Variants in SGMS1 observed in about 807,000 individuals in gnomAD.
SGMS1 encodes sphingomyelin synthase 1.
SGMS1 carries 13 observed loss-of-function variants against 46.2 expected under a neutral mutation model. The ratio of observed to expected loss-of-function variants is 0.28; its 90% CI spans 0.18 to 0.45. The LOEUF is 0.45. Ranked by LOEUF, SGMS1 falls within the 20% of genes least tolerant of loss-of-function variation. The pLI is 1.00. For synonymous variants in SGMS1, 203 were observed against 187.8 expected, an observed-to-expected ratio of 1.08 and a Z score of -0.66; for missense variants, 324 against 519.9, an observed-to-expected ratio of 0.62 and a Z score of 3.66.
intron 2 of SGMS1, among the ~76,000 whole-genome samples, chr10:50,562,904 C>T (rs1420577814): frequency 6.6e-6 from 1 of 152,118 alleles, no homozygotes; most frequent in African/African-American, 2.4e-5. Context: ...TGTGCATCTG[C>T]CTGTGATTCC....
intron 1 of SGMS1, among the ~76,000 whole-genome samples, chr10:50,615,040 ATTCGC>A (rs1838783984): frequency 6.6e-6 from 1 of 152,194 alleles, no homozygotes; most frequent in Admixed American, 6.5e-5. Context: ...GCAAAATAAA[ATTCGC>A]TTCCTGAATG....
chr10:50,419,879 C>T (rs1849232155), intron 6 of SGMS1, among the ~76,000 whole-genome samples: 1 of 152,142 alleles, frequency 6.6e-6, no homozygotes, highest in Non-Finnish European at 1.5e-5. Context: ...ACTCATTAGC[C>T]AAAGATAAGA....
chr10:50,424,982 C>T (rs1488484375), intron 6 of SGMS1, among the ~76,000 whole-genome samples: 8 of 151,700 alleles, frequency 5.3e-5, no homozygotes, highest in Admixed American at 1.3e-4. Context: ...AATGATCAGC[C>T]ATCACTAATC....
intron 3 of SGMS1, among the ~76,000 whole-genome samples, chr10:50,500,865 A>G (rs1837656050): frequency 6.6e-6 from 1 of 152,236 alleles, no homozygotes; most frequent in Non-Finnish European, 1.5e-5. Flanking sequence ...TTCTGTTGCA[A>G]TCATTGTTCC....
chr10:50,485,009 C>T (rs544589593), intron 3 of SGMS1, among the ~76,000 whole-genome samples: 6 of 152,278 alleles, frequency 3.9e-5, no homozygotes, highest in Admixed American at 3.9e-4. Context: ...CCTCTCTCAC[C>T]ACTCGTATTC....
At chr10:50,555,247 T>A (rs1716058491) in intron 2 of SGMS1, among the ~76,000 whole-genome samples, 1 of 152,234 alleles carries the variant, frequency 6.6e-6, no homozygotes, top group Admixed American at 6.5e-5. Flanking sequence ...CTGTATTTTT[T>A]ATTAGCAAAT....
intron 2 of SGMS1, among the ~76,000 whole-genome samples, chr10:50,574,963 GTATA>G (rs143713324): frequency 1.8e-4 from 18 of 99,856 alleles, no homozygotes; most frequent in Admixed American, 4.7e-4. Flanking sequence ...AAAATGTGGT[GTATA>G]TATATATATA....
chr10:50,524,645 TTTA>T (rs1253690175), intron 2 of SGMS1, among the ~76,000 whole-genome samples: 1 of 152,218 alleles, frequency 6.6e-6, no homozygotes, highest in Non-Finnish European at 1.5e-5. Flanking sequence ...GTAGGTGATA[TTTA>T]TTATTATCAG....
intron 7 of SGMS1, among the ~76,000 whole-genome samples, chr10:50,339,390 T>C (rs1019261267): frequency 7.2e-5 from 11 of 152,248 alleles, no homozygotes; most frequent in African/African-American, 2.7e-4. Flanking sequence ...TCTCATTTGA[T>C]TCAGATGTCT....
chr10:50,514,288 T>C (rs1307185946), intron 3 of SGMS1, among the ~76,000 whole-genome samples: 1 of 152,208 alleles, frequency 6.6e-6, no homozygotes, highest in Non-Finnish European at 1.5e-5. Context: ...CTTGACACGA[T>C]AAGTCTTTGA....
At chr10:50,618,608 T>C (rs754175127) in intron 1 of SGMS1, among the ~76,000 whole-genome samples, 13 of 152,188 alleles carry the variant, frequency 8.5e-5, no homozygotes, top group Non-Finnish European at 1.8e-4. Context: ...CAAACATTGG[T>C]AAAACTAGAA....
Position 50,343,625 on chromosome 10 carries a change from C to T in SGMS1, c.490G>A (p.Glu164Lys). 1 of 1,614,086 alleles carries T rather than the reference C, an allele frequency of 6.2e-7. No homozygotes were observed. The highest frequency in any genetic ancestry group is 8.5e-7 in the Non-Finnish European group (1 of 1,180,020). Residue 164 changes from glutamate (E) to lysine (K), a missense_variant, in exon 7 of 11, where the codon GAG becomes AAG. By Grantham distance (56) the Glu-to-Lys change is moderately conservative. This residue lies in a region of SGMS1 where 174 missense variants were observed against 350.1 expected (regional missense o/e 0.50). Coordinates refer to ENST00000361781, the MANE Select transcript of SGMS1 (RefSeq NM_147156.4). ...GTGTCCGGTAGTGGAGGCTGCACCT[C>T]CTTAGGAGGTACTCGTTCGTGGACG... ...SVVHERVPPKEVQPPLPDTFF... is the reference protein window; with the variant it reads ...SVVHERVPPKKVQPPLPDTFF...
At chr10:50,604,409 A>G (rs566267145) in intron 1 of SGMS1, among the ~76,000 whole-genome samples, 88 of 152,348 alleles carry the variant, frequency 5.8e-4, no homozygotes, top group Admixed American at 1.9e-3. Flanking sequence ...GTAGAGAGCC[A>G]CCAAAAATGC....
chr10:50,600,505 G>A (rs569895932), intron 1 of SGMS1, among the ~76,000 whole-genome samples: 167 of 152,254 alleles, frequency 1.1e-3, no homozygotes, highest in Non-Finnish European at 1.5e-3. Context: ...TCTATATGGG[G>A]GAAGGGGAAT....
chr10:50,434,150 T>A (rs562289671), intron 5 of SGMS1, among the ~76,000 whole-genome samples: 1 of 152,364 alleles, frequency 6.6e-6, no homozygotes, highest in East Asian at 1.9e-4. Context: ...TAATAAAATA[T>A]GGCCAGCAAA....
intron 6 of SGMS1, among the ~76,000 whole-genome samples, chr10:50,370,195 C>G (rs1419009460): frequency 6.6e-6 from 1 of 152,084 alleles, no homozygotes; most frequent in African/African-American, 2.4e-5. Flanking sequence ...ACACTGCACA[C>G]TTAGGGTACA....
At chr10:50,410,696 C>G (rs1258369560) in intron 6 of SGMS1, among the ~76,000 whole-genome samples, 1 of 152,190 alleles carries the variant, frequency 6.6e-6, no homozygotes, top group Non-Finnish European at 1.5e-5. Context: ...ATCTCTAATT[C>G]AGATTTGGAA....
At chr10:50,510,367 T>C (rs1481887079) in intron 3 of SGMS1, among the ~76,000 whole-genome samples, 1 of 152,210 alleles carries the variant, frequency 6.6e-6, no homozygotes. Flanking sequence ...GGTTTTTGTG[T>C]GAATAGAGGT....
intron 3 of SGMS1, among the ~76,000 whole-genome samples, chr10:50,512,155 C>T (rs1454209961): frequency 6.6e-6 from 1 of 152,062 alleles, no homozygotes; most frequent in Admixed American, 6.5e-5. Flanking sequence ...AAGAAGCATA[C>T]CACAGAGTAG....
Sources: allele counts gnomAD v4.1 joint callset (sites outside exome capture counted in the v4.1 genomes callset), GRCh38; gene constraint gnomAD v4.1.1; regional missense constraint gnomAD v4.1.1; transcripts MANE v1.5; gene names NCBI Gene and HGNC (gene_info 2026-07-23, HGNC 2026-07-21).